CDC14A: variants seen among roughly 807,000 people sequenced by gnomAD.
CDC14A encodes the protein dual specificity protein phosphatase CDC14A.
A neutral mutation model predicts 74.4 loss-of-function variants in CDC14A; 53 were observed. That is an observed-to-expected ratio of 0.71 (90% CI 0.57 to 0.89). CDC14A has a LOEUF of 0.89. Among genes scored for constraint, CDC14A ranks in the 40% least tolerant of loss-of-function variants. CDC14A has a pLI of 0.00. For synonymous variants in CDC14A, 247 were observed against 258.4 expected (o/e 0.96, Z 0.43); for missense variants, 646 against 713.7 (o/e 0.91, Z 1.08).
rs186841603 is a variant in CDC14A, at chr1:100,457,756, C to G, written c.607+2264C>G. ...AGGATTACAGATTTAAGCCACTGAG[C>G]CCAGCCTGTTAATTTATTTTTGGAT... On this transcript the variant is annotated intron_variant, in intron 8 of 15. Coordinates refer to ENST00000336454, the MANE Select transcript of CDC14A (RefSeq NM_003672.4). Among the ~76,000 whole-genome samples the G allele has an allele frequency of 8.5e-3, 1,288 of 151,964 alleles. 13 individuals carry two copies. Among genetic ancestry groups the G allele is most frequent in the Non-Finnish European group, 0.013 (876 of 67,980 alleles).
intron 4 of CDC14A, among the ~76,000 whole-genome samples, chr1:100,412,720 ATATTTT>A (rs1197878628): frequency 5.0e-5 from 5 of 99,818 alleles, no homozygotes; most frequent in Non-Finnish European, 6.9e-5. Flanking sequence ...ATATATATAT[ATATTTT>A]ATATATATAT....
intron 10 of CDC14A, among the ~76,000 whole-genome samples, chr1:100,476,727 T>A (rs1668941451): frequency 6.6e-6 from 1 of 152,176 alleles, no homozygotes; most frequent in Non-Finnish European, 1.5e-5. Context: ...TTAAGGTAAT[T>A]AGTCTGCCTA....
intron 4 of CDC14A, among the ~76,000 whole-genome samples, chr1:100,409,406 A>C (rs1660374722): frequency 6.6e-6 from 1 of 152,164 alleles, no homozygotes; most frequent in Non-Finnish European, 1.5e-5. Context: ...CCTTCCCAAC[A>C]GTCCCTCAGA....
In CDC14A at chr1:100,489,967, C is replaced by T. The variant is rs146669439; in HGVS notation, c.1138-4851C>T. On this transcript the variant is annotated intron_variant, in intron 11 of 15. Coordinates refer to ENST00000336454, the MANE Select transcript of CDC14A (RefSeq NM_003672.4). ...ATGGAGGCCCAGGTTGGGTTCTCCT[C>T]ATTTGTCATTTGTGAATGTGTTCTT... Among the ~76,000 whole-genome samples the T allele has an allele frequency of 4.3e-3, 661 of 152,252 alleles. 4 individuals carry two copies. Among genetic ancestry groups the T allele is most frequent in the African/African-American group, 0.014 (582 of 41,542 alleles).
At chr1:100,444,471 C>G (rs1015299177) in intron 7 of CDC14A, among the ~76,000 whole-genome samples, 3 of 152,186 alleles carry the variant, frequency 2.0e-5, no homozygotes, top group Non-Finnish European at 4.4e-5. Flanking sequence ...CCTGTCCTGG[C>G]ATTCTTAGCT....
chr1:100,400,814 T>C (rs1397417881), intron 4 of CDC14A, among the ~76,000 whole-genome samples: 1 of 152,178 alleles, frequency 6.6e-6, no homozygotes, highest in East Asian at 1.9e-4. Flanking sequence ...AAATTAGCTG[T>C]TTGCTTTTCA....
chr1:100,515,646 A>G (rs531529043), intron 15 of CDC14A, among the ~76,000 whole-genome samples: 25 of 151,706 alleles, frequency 1.6e-4, no homozygotes, highest in African/African-American at 6.0e-4. Flanking sequence ...CGGCCTCCCA[A>G]AGTGCTGGGA....
Position 100,360,108 on chromosome 1 carries a change from ATTT to A in CDC14A, c.140+6272_140+6274del, listed in dbSNP as rs35028152. 5.5e-3 allele frequency among the ~76,000 whole-genome samples: 684 copies of A among 123,720 alleles called. 5 individuals carry two copies. Among genetic ancestry groups the A allele is most frequent in the African/African-American group, 0.02 (651 of 32,704 alleles). 81.2% of individuals were successfully genotyped at this position (123,720 alleles called of 152,430 possible). A position where few individuals can be genotyped will look rare whatever the true frequency, so the allele number is the denominator to read the frequency against. ...CAGGCGCGCACCACCACACCCAGCT[ATTT>A]TTTTTTTTTTTTTTTGTATTTTTAG... On this transcript the variant is annotated intron_variant, in intron 2 of 15. Transcript: ENST00000336454.
At chr1:100,393,143 T>C (rs7513335) in intron 4 of CDC14A, 250,743 of 1,507,712 alleles carry the variant, frequency 0.17, 25,431 homozygotes, top group African/African-American at 0.46. Flanking sequence ...TAATTCTTAC[T>C]ACAGATATCC....
intron 3 of CDC14A, among the ~76,000 whole-genome samples, chr1:100,381,879 A>G (rs1279496630): frequency 6.6e-6 from 1 of 152,192 alleles, no homozygotes; most frequent in Non-Finnish European, 1.5e-5. Context: ...AGGATAGGGG[A>G]AGCAATCAAA....
Position 100,398,861 on chromosome 1 carries a change from G to T in CDC14A, c.309+8037G>T, listed in dbSNP as rs188299374. 4.8e-4 allele frequency among the ~76,000 whole-genome samples: 73 copies of T among 152,188 alleles called. No homozygotes were observed. In the East Asian group the frequency reaches 0.011, roughly 24 times the overall value. On this transcript the variant is annotated intron_variant, in intron 4 of 15. Coordinates refer to ENST00000336454, the MANE Select transcript of CDC14A (RefSeq NM_003672.4). The stretch of plus-strand genomic sequence containing the variant: ...GGGTTCAGACCTGGAGAGAGGGGAG[G>T]TTCCAAGATGGTCAATCCCAGCAGG...
At chr1:100,453,853 G>A (rs1264948176) in intron 7 of CDC14A, among the ~76,000 whole-genome samples, 1 of 152,158 alleles carries the variant, frequency 6.6e-6, no homozygotes, top group African/African-American at 2.4e-5. Flanking sequence ...TGTTGCCCTG[G>A]GTGGTCTTGC....
chr1:100,460,756 T>A (rs899555398), intron 8 of CDC14A, among the ~76,000 whole-genome samples: 1 of 152,254 alleles, frequency 6.6e-6, no homozygotes, highest in Non-Finnish European at 1.5e-5. Context: ...CTGTTTTACC[T>A]GTTTGCTCAA....
intron 15 of CDC14A, among the ~76,000 whole-genome samples, chr1:100,515,828 A>G (rs2101487744): frequency 6.6e-6 from 1 of 152,352 alleles, no homozygotes; most frequent in South Asian, 2.1e-4. Context: ...TAAAGAAACC[A>G]TGGAACATGT....
At chr1:100,441,854 A>G (rs1363284573) in intron 6 of CDC14A, among the ~76,000 whole-genome samples, 5 of 152,138 alleles carry the variant, frequency 3.3e-5, no homozygotes, top group Non-Finnish European at 7.3e-5. Context: ...CTTCTTTCAT[A>G]TGAATTACCC....
chr1:100,359,861 A>G (rs1652439197), intron 2 of CDC14A, among the ~76,000 whole-genome samples: 1 of 151,114 alleles, frequency 6.6e-6, no homozygotes, highest in South Asian at 2.1e-4. Flanking sequence ...ATGGTAGTTT[A>G]TAGTTTCTTC....
In CDC14A at chr1:100,499,269, G is replaced by A; in HGVS notation, c.1755+7G>A. 1 of 1,614,146 alleles carries A rather than the reference G, an allele frequency of 6.2e-7. No homozygotes were observed. Among genetic ancestry groups the A allele is most frequent in the Middle Eastern group, 1.6e-4 (1 of 6,062 alleles). On this transcript the variant is annotated splice_region_variant and intron_variant, in intron 15 of 15. Coordinates refer to ENST00000336454, the MANE Select transcript of CDC14A (RefSeq NM_003672.4). ...CCTGAGCCGTTCTATCCCTGTAAGT[G>A]CGCAGACACCACCTCCTGGTCCTCA...
intron 4 of CDC14A, chr1:100,423,938 A>G (rs543347350): frequency 1.5e-4 from 51 of 346,156 alleles, no homozygotes; most frequent in Non-Finnish European, 2.6e-4. Context: ...TGAGGGTACA[A>G]CTGTCGCTGC....
chr1:100,366,280 G>A (rs1049328214), intron 2 of CDC14A, among the ~76,000 whole-genome samples: 7 of 152,154 alleles, frequency 4.6e-5, no homozygotes, highest in Non-Finnish European at 8.8e-5. Flanking sequence ...AACTAGTAAT[G>A]CCTTGCTCAG....
Sources: allele counts gnomAD v4.1 joint callset (sites outside exome capture counted in the v4.1 genomes callset), GRCh38; gene constraint gnomAD v4.1.1; transcripts MANE v1.5; gene names NCBI Gene and HGNC (gene_info 2026-07-23, HGNC 2026-07-21).